Variants in KIF5A observed in about 807,000 individuals in gnomAD.
KIF5A encodes kinesin family member 5A.
KIF5A carries 35 observed loss-of-function variants against 141.3 expected under a neutral mutation model. The ratio of observed to expected loss-of-function variants is 0.25; its 90% confidence interval spans 0.19 to 0.33. The LOEUF (loss-of-function observed/expected upper bound fraction) is 0.33, where lower values mean the gene tolerates loss of function less well. KIF5A is among the 10% of genes least tolerant of loss of function. KIF5A has a pLI of 1.00. For missense variants in KIF5A, 861 were observed against 1,314.3 expected (o/e 0.66, Z 5.33); for synonymous variants, 448 against 500.2 (o/e 0.90, Z 1.39).
At chr12:57,577,567 T>C (rs939809614) in intron 20 of KIF5A, 146 bp from the exon 21 acceptor site, 6 of 730,590 alleles carry the variant, frequency 8.2e-6, no homozygotes, top group Non-Finnish European at 1.5e-5. Context: ...CTGTACTCTA[T>C]CTAGCCTAGG....
At chr12:57,551,054 G>A (rs1881556932) in intron 1 of KIF5A, among the ~76,000 whole-genome samples, 1 of 152,022 alleles carries the variant, frequency 6.6e-6, no homozygotes, top group Non-Finnish European at 1.5e-5. Context: ...GGTACAGTAG[G>A]AAGAGGGTTT....
In KIF5A at chr12:57,564,215, G is replaced by T; in HGVS notation, c.396+3G>T. ...AGAACCTTGAGTTCCACATCAAGGT[G>T]ACCAGGGCACGACAGCTGGGCATTC... On this transcript the variant is annotated splice_donor_region_variant and intron_variant, in intron 4 of 28. Transcript: ENST00000455537. 1.3e-6 allele frequency: 2 copies of T among 1,587,094 alleles called. No individual in the cohort carries two copies. The highest frequency in any genetic ancestry group is 2.2e-5 in the South Asian group (2 of 90,522).
At chr12:57,576,541 C>G (rs889004016) in intron 19 of KIF5A, among the ~76,000 whole-genome samples, 163 bp downstream of exon 19, 2 of 152,182 alleles carry the variant, frequency 1.3e-5, no homozygotes, top group African/African-American at 4.8e-5. Context: ...GGAATAACGA[C>G]TAGTCCCTAT....
chr12:57,583,160 A>G lies in KIF5A; in HGVS notation c.3080A>G (p.Gln1027Arg). The change falls in exon 28 of 29, where the codon CAA becomes CGA. Residue 1027 changes from glutamine (Q) to arginine (R), a missense_variant. Transcript: ENST00000455537. ...EDQAKLFPLHQETAAS is the reference protein window; with the variant it reads ...EDQAKLFPLHRETAAS ...CAGGCCAAGCTTTTCCCTCTCCACC[A>G]AGAGACAGCAGCCAGCTAATCTCCC... The G allele has an allele frequency of 6.2e-7, 1 of 1,613,836 alleles. No homozygotes were observed. Among genetic ancestry groups the G allele is most frequent in the Non-Finnish European group, 8.5e-7 (1 of 1,179,920 alleles).
At chr12:57,576,529 A>G in intron 19 of KIF5A, 151 bp downstream of exon 19, 3 of 742,976 alleles carry the variant, frequency 4.0e-6, no homozygotes, top group Admixed American at 2.0e-5. Context: ...CAGGAGACAC[A>G]TGGAATAACG....
At chr12:57,567,658 G>GCT in intron 8 of KIF5A, 40 bp downstream of exon 8, 1 of 1,545,552 alleles carries the variant, frequency 6.5e-7, no homozygotes, top group Non-Finnish European at 8.7e-7. Flanking sequence ...GGAAGCCTTG[G>GCT]CTCTTTTTTT....
chr12:57,566,643 C>T (rs1882074507), intron 6 of KIF5A, among the ~76,000 whole-genome samples: 1 of 152,048 alleles, frequency 6.6e-6, no homozygotes, highest in Non-Finnish European at 1.5e-5. Flanking sequence ...CTCCTGACCT[C>T]AGGTGATCCA....
rs766252494 is a variant in KIF5A, at chr12:57,575,215, C to T, written c.1848C>T (p.His616=). 1.2e-6 allele frequency: 2 copies of T among 1,613,918 alleles called. No individual in the cohort carries two copies. Among genetic ancestry groups the T allele is most frequent in the South Asian group, 1.1e-5 (1 of 91,018 alleles). Residue 616 remains histidine, a synonymous_variant, in exon 16 of 29, where the codon CAC becomes CAT. Transcript: ENST00000455537. ...RQLENLQVEC[H]RKMEVTGREL... is the part of the protein sequence containing the mutation. Reference sequence around the variant, plus strand: ...TGGAGAACCTCCAGGTGGAGTGTCACCGCAAGATGGAAGTGACCGGGCGGG... The same window carrying T: ...TGGAGAACCTCCAGGTGGAGTGTCATCGCAAGATGGAAGTGACCGGGCGGG...
At chr12:57,568,315 G>A (rs1594916103) in intron 8 of KIF5A, among the ~76,000 whole-genome samples, 1 of 152,274 alleles carries the variant, frequency 6.6e-6, no homozygotes, top group Middle Eastern at 3.4e-3. Context: ...TCCAATTCTA[G>A]AGCACTGTCA....
At position 57,582,766 on chromosome 12, in the gene KIF5A, G is replaced by T. The variant is rs549669364; in HGVS notation, c.3020+137G>T. 1.3e-5 allele frequency: 10 copies of T among 786,386 alleles called. No homozygotes were observed. In the African/African-American group the frequency reaches 1.4e-4, roughly 11 times the overall value. 48.7% of individuals were successfully genotyped at this position (786,386 alleles called of 1,614,324 possible). A position where few individuals can be genotyped will look rare whatever the true frequency, so the allele number is the denominator to read the frequency against. ...AGTGAGACTCATTCTTTTCATCACTGTGTTGTCCAGGAGATCCAGTCATTC... is the reference window on the plus strand; with the variant it reads ...AGTGAGACTCATTCTTTTCATCACTTTGTTGTCCAGGAGATCCAGTCATTC... On this transcript the variant is annotated intron_variant, in intron 27 of 28. Coordinates refer to ENST00000455537, the MANE Select transcript of KIF5A (RefSeq NM_004984.4).
chr12:57,564,430 A>G (rs1882002251), intron 4 of KIF5A, 30 bp from the exon 5 acceptor site: 1 of 1,565,062 alleles, frequency 6.4e-7, no homozygotes, highest in Non-Finnish European at 8.8e-7. Context: ...GGCCCTCTTT[A>G]CTTCACACTC....
intron 1 of KIF5A, among the ~76,000 whole-genome samples, chr12:57,561,656 G>C (rs1169836315): frequency 6.6e-6 from 1 of 151,936 alleles, no homozygotes; most frequent in Admixed American, 6.6e-5. Context: ...AAGAATAAAC[G>C]ATTATTTCTT....
chr12:57,559,789 G>A (rs1000647063), intron 1 of KIF5A, among the ~76,000 whole-genome samples: 5 of 152,110 alleles, frequency 3.3e-5, no homozygotes, highest in African/African-American at 1.2e-4. Context: ...TCATATGAAG[G>A]GAGTAATACA....
Position 57,583,230 on chromosome 12 carries a change from C to T in KIF5A, c.*36+15C>T. 1 of 1,490,814 alleles carries T rather than the reference C, an allele frequency of 6.7e-7. No individual in the cohort carries two copies. Among genetic ancestry groups the T allele is most frequent in the Non-Finnish European group, 9.3e-7 (1 of 1,076,184 alleles). 92.3% of individuals were successfully genotyped at this position (1,490,814 alleles called of 1,614,324 possible). A position where few individuals can be genotyped will look rare whatever the true frequency, so the allele number is the denominator to read the frequency against. ...TGCACTTTCAGGTAGCGTCAGGCTG[C>T]TTCCTCGGACCAGCCTCAGGTTGCT... On this transcript the variant is annotated intron_variant, in intron 28 of 28. Transcript: ENST00000455537.
intron 15 of KIF5A, among the ~76,000 whole-genome samples, chr12:57,573,924 A>T (rs1241331312): frequency 6.6e-6 from 1 of 151,874 alleles, no homozygotes; most frequent in African/African-American, 2.4e-5. Context: ...TACTAAAAAA[A>T]TACAAAAAAT....
In KIF5A at chr12:57,550,261, C is replaced by G; in HGVS notation, c.-11C>G. On this transcript the variant is annotated 5_prime_UTR_variant, in exon 1 of 29. Coordinates refer to ENST00000455537, the MANE Select transcript of KIF5A (RefSeq NM_004984.4). The surrounding 1 kb of genome is among the most constrained non-coding windows in gnomAD (Gnocchi z 4.6). ...CCCAAGAAGAGTCCCAGCCCCACGC[C>G]GGCTACCACCATGGCGGAGACCAAC... is the stretch of plus-strand genomic sequence containing the variant. The G allele has an allele frequency of 6.2e-7, 1 of 1,613,962 alleles. No individual in the cohort carries two copies.
Position 57,575,645 on chromosome 12 carries a change from G to A in KIF5A, c.1911G>A (p.Glu637=), listed in dbSNP as rs1882398349. The change falls in exon 17 of 29, where the codon GAG becomes GAA. Residue 637 remains glutamate (E), a synonymous_variant. Coordinates refer to ENST00000455537, the MANE Select transcript of KIF5A (RefSeq NM_004984.4). ...SSCQLLISQH[E]AKIRSLTEYM... The stretch of plus-strand genomic sequence containing the variant: ...CACCAACTTTCTCCCACCAGCATGA[G>A]GCCAAGATCCGCTCGCTTACGGAAT... 1.2e-6 allele frequency: 2 copies of A among 1,614,072 alleles called. No individual in the cohort carries two copies. Among genetic ancestry groups the A allele is most frequent in the Non-Finnish European group, 1.7e-6 (2 of 1,179,956 alleles).
Position 57,567,623 on chromosome 12 carries a change from G to A in KIF5A, c.714+5G>A, listed in dbSNP as rs1277450900. On this transcript the variant is annotated splice_donor_5th_base_variant and intron_variant, in intron 8 of 28. Transcript: ENST00000455537. ...GACCTGGCAGGGAGTGAGAAGGTAG[G>A]GGGTCCTGTGGATATGGGGTGGGTG... 1 of 1,612,302 alleles carries A rather than the reference G, an allele frequency of 6.2e-7. No homozygotes were observed. The highest frequency in any genetic ancestry group is 8.5e-7 in the Non-Finnish European group (1 of 1,179,338).
Position 57,572,484 on chromosome 12 carries a change from G to A in KIF5A, c.1570-96G>A, listed in dbSNP as rs1033375186. The A allele has an allele frequency of 2.0e-6, 3 of 1,517,320 alleles. No individual in the cohort carries two copies. Among genetic ancestry groups the A allele is most frequent in the African/African-American group, 2.7e-5 (2 of 72,940 alleles). 94.0% of individuals were successfully genotyped at this position (1,517,320 alleles called of 1,614,324 possible). On this transcript the variant is annotated intron_variant, in intron 14 of 28. Coordinates refer to ENST00000455537, the MANE Select transcript of KIF5A (RefSeq NM_004984.4). This position sits in a 1 kb window ranked among gnomAD's most constrained non-coding sequence, Gnocchi z 4.2. ...CAGGGCCTGTGTTCTCTTCATAGCA[G>A]CCCTCAGGGTCTTGCATGAAGGGAG...
Sources: gnomAD v4.1 joint callset for allele counts (sites outside exome capture counted in the v4.1 genomes callset) on GRCh38, gnomAD v4.1.1 for gene constraint, Gnocchi (gnomAD v3.1) non-coding constraint, MANE v1.5 for transcripts, NCBI Gene and HGNC (gene_info 2026-07-23, HGNC 2026-07-21) for gene names.